KCNQ5: variants seen among roughly 807,000 people sequenced by gnomAD.
KCNQ5 encodes potassium voltage-gated channel subfamily Q member 5, also known as potassium voltage-gated channel subfamily KQT member 5.
KCNQ5 carries 30 observed loss-of-function variants against 98.2 expected under a neutral mutation model. The ratio of observed to expected loss-of-function variants is 0.31; its 90% CI spans 0.23 to 0.41. The LOEUF (loss-of-function observed/expected upper bound fraction) is 0.41, where lower values mean the gene tolerates loss of function less well. Among genes scored for constraint, KCNQ5 ranks in the 10% least tolerant of loss-of-function variants. The pLI, the probability that KCNQ5 is intolerant of heterozygous loss-of-function variation, is 1.00. For synonymous variants in KCNQ5, 458 were observed against 449.4 expected, an observed-to-expected ratio of 1.02 and a Z score of -0.24; for missense variants, 835 against 1,182.5, an observed-to-expected ratio of 0.71 and a Z score of 4.31.
chr6:72,904,353 A>C (rs1380279335), intron 1 of KCNQ5, among the ~76,000 whole-genome samples: 1 of 152,126 alleles, frequency 6.6e-6, no homozygotes, highest in Non-Finnish European at 1.5e-5. Flanking sequence ...ACTTACATTC[A>C]ATGTTAGTAT....
intron 1 of KCNQ5, among the ~76,000 whole-genome samples, chr6:72,941,666 C>CTCTTTCTTTCTT (rs11266961): frequency 6.0e-5 from 5 of 83,038 alleles, no homozygotes; most frequent in African/African-American, 2.5e-4. Flanking sequence ...CCCTCCCCAT[C>CTCTTTCTTTCTT]TCTTTCTTTC....
intron 1 of KCNQ5, among the ~76,000 whole-genome samples, chr6:72,697,422 C>A (rs1218524354): frequency 6.6e-6 from 1 of 152,138 alleles, no homozygotes; most frequent in Non-Finnish European, 1.5e-5. Context: ...TCTCTGAAAT[C>A]TGGTATGCAA....
At chr6:72,961,758 A>G (rs1767366707) in intron 1 of KCNQ5, among the ~76,000 whole-genome samples, 1 of 152,090 alleles carries the variant, frequency 6.6e-6, no homozygotes, top group Non-Finnish European at 1.5e-5. Flanking sequence ...CTTGAAAATG[A>G]TGAAATCCAT....
chr6:73,033,700 C>G (rs542408919), intron 2 of KCNQ5, among the ~76,000 whole-genome samples: 2 of 152,054 alleles, frequency 1.3e-5, no homozygotes, highest in Non-Finnish European at 2.9e-5. Context: ...ATCTCCACCC[C>G]ACTCCCACTT....
At chr6:73,183,148 A>T (rs1019348578) in intron 11 of KCNQ5, among the ~76,000 whole-genome samples, 1 of 152,188 alleles carries the variant, frequency 6.6e-6, no homozygotes, top group Non-Finnish European at 1.5e-5. Flanking sequence ...AGGAGGTCAG[A>T]TCCATAGACA....
chr6:72,629,982 A>C (rs563556014), intron 1 of KCNQ5, among the ~76,000 whole-genome samples: 2 of 152,296 alleles, frequency 1.3e-5, no homozygotes, highest in East Asian at 3.9e-4. Flanking sequence ...TAAAGTCATC[A>C]ATTTCTAAAC....
At chr6:72,779,465 GTTAT>G (rs1773339900) in intron 1 of KCNQ5, among the ~76,000 whole-genome samples, 1 of 152,140 alleles carries the variant, frequency 6.6e-6, no homozygotes, top group Non-Finnish European at 1.5e-5. Flanking sequence ...ATACTTGACT[GTTAT>G]TTATTTACTT....
chr6:72,836,190 T>C (rs893152074), intron 1 of KCNQ5, among the ~76,000 whole-genome samples: 1 of 152,190 alleles, frequency 6.6e-6, no homozygotes, highest in Non-Finnish European at 1.5e-5. Flanking sequence ...TGGATGAATC[T>C]AATCAGAGAG....
At chr6:72,735,551 G>C (rs936784240) in intron 1 of KCNQ5, among the ~76,000 whole-genome samples, 2 of 151,948 alleles carry the variant, frequency 1.3e-5, no homozygotes, top group Non-Finnish European at 2.9e-5. Flanking sequence ...CATAAAAAAT[G>C]ACTATGTATC....
At chr6:72,698,205 T>C (rs188412695) in intron 1 of KCNQ5, among the ~76,000 whole-genome samples, 29 of 151,572 alleles carry the variant, frequency 1.9e-4, no homozygotes, top group African/African-American at 6.0e-4. Flanking sequence ...TATTTAGACT[T>C]TTTTTTTTCT....
chr6:72,935,047 T>C lies in KCNQ5; in HGVS notation c.399-68861T>C, dbSNP rs893994929. Among the ~76,000 whole-genome samples, 5 of 151,288 alleles carry C rather than the reference T, an allele frequency of 3.3e-5. No individual in the cohort carries two copies. The East Asian group carries it at 9.7e-4, about 29-fold the overall frequency. On this transcript the variant is annotated intron_variant, in intron 1 of 13. Coordinates refer to ENST00000370398, the MANE Select transcript of KCNQ5 (RefSeq NM_019842.4). The stretch of plus-strand genomic sequence containing the variant: ...ACTTCCAACTTTAACTGAATCCATA[T>C]ATTGGCCTTGTTCTATCTTTTTTTT...
chr6:72,679,321 C>A, intron 1 of KCNQ5, among the ~76,000 whole-genome samples: 1 of 152,044 alleles, frequency 6.6e-6, no homozygotes, highest in Admixed American at 6.6e-5. Flanking sequence ...TTGGAACCAA[C>A]CCAAATGTCC....
intron 10 of KCNQ5, among the ~76,000 whole-genome samples, chr6:73,147,494 A>G (rs910142641): frequency 9.9e-5 from 15 of 152,118 alleles, no homozygotes; most frequent in Admixed American, 8.5e-4. Flanking sequence ...CTCATGTTGA[A>G]TAATTCATGT....
At chr6:73,002,751 A>G (rs1003731272) in intron 1 of KCNQ5, among the ~76,000 whole-genome samples, 4 of 152,194 alleles carry the variant, frequency 2.6e-5, no homozygotes, top group Non-Finnish European at 4.4e-5. Flanking sequence ...TAGACAATAC[A>G]TAAATGAATG....
Position 73,092,383 on chromosome 6 carries a change from C to A in KCNQ5, c.919-12874C>A, listed in dbSNP as rs147208533. Reference sequence around the variant, plus strand: ...GATGCCCTTTATTTCTTCCTCTTGTCTGATTGCTCTGGCAAGGACTTCCAG... The same window carrying A: ...GATGCCCTTTATTTCTTCCTCTTGTATGATTGCTCTGGCAAGGACTTCCAG... On this transcript the variant is annotated intron_variant, in intron 5 of 13. Transcript: ENST00000370398. Among the ~76,000 whole-genome samples, 47 of 152,200 alleles carry A rather than the reference C, an allele frequency of 3.1e-4. No individual in the cohort carries two copies. In the East Asian group the frequency reaches 8.7e-3, roughly 28 times the overall value.
chr6:72,972,052 G>C (rs1214099399), intron 1 of KCNQ5, among the ~76,000 whole-genome samples: 1 of 152,074 alleles, frequency 6.6e-6, no homozygotes, highest in Non-Finnish European at 1.5e-5. Flanking sequence ...AGTAGAAACA[G>C]GGACAATGTC....
intron 1 of KCNQ5, among the ~76,000 whole-genome samples, chr6:72,726,964 T>G (rs147727767): frequency 6.6e-6 from 1 of 152,298 alleles, no homozygotes; most frequent in African/African-American, 2.4e-5. Context: ...GCTTACTTAT[T>G]AAAGATAAAC....
chr6:72,973,892 C>T (rs749529995), intron 1 of KCNQ5, among the ~76,000 whole-genome samples: 5 of 152,158 alleles, frequency 3.3e-5, no homozygotes, highest in Non-Finnish European at 7.4e-5. Flanking sequence ...GAGACAAAAA[C>T]ATTCAACAGT....
intron 1 of KCNQ5, among the ~76,000 whole-genome samples, chr6:72,668,503 GAA>G (rs1329684100): frequency 6.6e-6 from 1 of 152,046 alleles, no homozygotes; most frequent in East Asian, 1.9e-4. Flanking sequence ...GGTAGATTTA[GAA>G]AAGTTTTTTT....
Sources: allele counts gnomAD v4.1 joint callset (sites outside exome capture counted in the v4.1 genomes callset), GRCh38; gene constraint gnomAD v4.1.1; transcripts MANE v1.5; gene names NCBI Gene and HGNC (gene_info 2026-07-23, HGNC 2026-07-21).